STIL: variants seen among roughly 807,000 people sequenced by gnomAD.
The protein encoded by STIL is STIL centriolar assembly protein, also known as SCL-interrupting locus protein.
In STIL, 55 loss-of-function variants were observed where a neutral mutation model predicts 110.1. The ratio of observed to expected loss-of-function variants is 0.50; its 90% CI spans 0.40 to 0.63. The LOEUF is 0.63. Ranked by LOEUF, STIL falls within the 20% of genes least tolerant of loss-of-function variation. The pLI, the probability that STIL is intolerant of heterozygous loss-of-function variation, is 0.00. For missense variants in STIL, 1,358 were observed against 1,530.0 expected (o/e 0.89, Z 1.87); for synonymous variants, 481 against 530.0 (o/e 0.91, Z 1.27).
chr1:47,265,444 C>G (rs1173893118), intron 14 of STIL, among the ~76,000 whole-genome samples: 1 of 151,832 alleles, frequency 6.6e-6, no homozygotes, highest in East Asian at 1.9e-4. Context: ...CCATGGGGAA[C>G]CAGACACTGG....
intron 2 of STIL, 110 bp from the exon 3 acceptor site, chr1:47,305,106 T>C (rs1425229982): frequency 1.3e-6 from 1 of 786,428 alleles, no homozygotes; most frequent in African/African-American, 1.7e-5. Context: ...AGACTACTTT[T>C]GTAATTTTCA....
At chr1:47,299,718 G>A in intron 6 of STIL, 187 bp downstream of exon 6, 1 of 647,370 alleles carries the variant, frequency 1.5e-6, no homozygotes, top group South Asian at 1.9e-5. Flanking sequence ...TGTAGGTGGT[G>A]GCACAACTTA....
At chr1:47,302,170 T>C (rs2149203978) in intron 4 of STIL, 64 bp downstream of exon 4, 3 of 1,223,900 alleles carry the variant, frequency 2.5e-6, no homozygotes, top group African/African-American at 1.5e-5. Context: ...ATCCTCCCAC[T>C]CCAGCCTCCC....
intron 16 of STIL, among the ~76,000 whole-genome samples, chr1:47,256,463 A>T (rs1255989243): frequency 6.6e-6 from 1 of 151,808 alleles, no homozygotes; most frequent in African/African-American, 2.4e-5. Flanking sequence ...TCTACTAAAA[A>T]CACAAAACTT....
intron 3 of STIL, 24 bp from the exon 4 acceptor site, chr1:47,302,370 G>A (rs1455859925): frequency 2.6e-6 from 4 of 1,543,420 alleles, no homozygotes; most frequent in Admixed American, 3.3e-5. Context: ...AGTCTTTTAT[G>A]AATATGGTAG....
chr1:47,278,870 A>C (rs1490308951), intron 12 of STIL, among the ~76,000 whole-genome samples: 1 of 152,192 alleles, frequency 6.6e-6, no homozygotes, highest in African/African-American at 2.4e-5. Flanking sequence ...AGGTTTAAAA[A>C]AACAGCAGAG....
Position 47,304,945 on chromosome 1 carries a change from T to G in STIL, c.96A>C (p.Ala32=), listed in dbSNP as rs1223552542. 1 of 1,614,066 alleles carries G rather than the reference T, an allele frequency of 6.2e-7. No individual in the cohort carries two copies. Among genetic ancestry groups the G allele is most frequent in the Non-Finnish European group, 8.5e-7 (1 of 1,179,988 alleles). Residue 32 remains alanine, a synonymous_variant, in exon 3 of 17, where the codon GCA becomes GCC. Coordinates refer to ENST00000371877, the MANE Select transcript of STIL (RefSeq NM_001048166.1). ...VPFHFPPSKC[A]LWNPTPTGDF... is the part of the protein sequence containing the mutation. ...CTCCAGTTGGCGTTGGGTTCCAAAG[T>G]GCACATTTTGATGGAGGAAAGTGGA...
intron 2 of STIL, among the ~76,000 whole-genome samples, chr1:47,309,401 G>A (rs1646058724): frequency 6.6e-6 from 1 of 152,050 alleles, no homozygotes; most frequent in East Asian, 1.9e-4. Flanking sequence ...CAAAGTGCTA[G>A]GATTACAGGC....
At chr1:47,289,676 A>C in intron 8 of STIL, 91 bp from the exon 9 acceptor site, 2 of 1,280,698 alleles carry the variant, frequency 1.6e-6, no homozygotes, top group Non-Finnish European at 2.2e-6. Flanking sequence ...TCTAGTTAAC[A>C]AAATGACTAA....
chr1:47,307,231 G>T (rs1645986628), intron 2 of STIL, among the ~76,000 whole-genome samples: 1 of 152,168 alleles, frequency 6.6e-6, no homozygotes. Context: ...TGAGGCATGA[G>T]AATTGCTTGA....
At chr1:47,278,832 ATACTT>A (rs1042578217) in intron 12 of STIL, among the ~76,000 whole-genome samples, 7 of 152,152 alleles carry the variant, frequency 4.6e-5, no homozygotes, top group Middle Eastern at 3.4e-3. Flanking sequence ...AAAAAAAACT[ATACTT>A]TACAATTTCA....
At chr1:47,302,118 A>G (rs1645821736) in intron 4 of STIL, 116 bp downstream of exon 4, 1 of 761,154 alleles carries the variant, frequency 1.3e-6, no homozygotes, top group East Asian at 2.6e-5. Flanking sequence ...ATGGAGTCTT[A>G]CTATGTTATG....
chr1:47,269,579 A>T, intron 14 of STIL, 56 bp downstream of exon 14: 1 of 1,398,762 alleles, frequency 7.1e-7, no homozygotes, highest in Non-Finnish European at 1.0e-6. Context: ...TTATTTGTCT[A>T]TCAAAAAAAA....
chr1:47,265,237 C>CAAA (rs61666574), intron 14 of STIL, among the ~76,000 whole-genome samples: 5,783 of 51,398 alleles, frequency 0.11, 688 homozygotes, highest in African/African-American at 0.19. Flanking sequence ...CTCCATCTCC[C>CAAA]AAAAAAAAAA....
chr1:47,261,232 A>G (rs1644474906), intron 15 of STIL, among the ~76,000 whole-genome samples: 1 of 151,558 alleles, frequency 6.6e-6, no homozygotes, highest in South Asian at 2.1e-4. Context: ...TAATAAAAAT[A>G]CAAAAATTAG....
At position 47,280,870 on chromosome 1, in the gene STIL, G is replaced by A. The variant is rs765984208; in HGVS notation, c.1588C>T (p.Pro530Ser). Reference sequence around the variant, plus strand: ...AGCTTTTCAAATATATCATGAGATGGCCCATTATGAGAAGATGGTTTAATA... The same window carrying A: ...AGCTTTTCAAATATATCATGAGATGACCCATTATGAGAAGATGGTTTAATA... ...NSIKPSSHNG[P>S]SHDIFEKLQT... The change falls in exon 12 of 17, where the codon CCA becomes TCA. Residue 530 changes from proline to serine, a missense_variant. Pro to Ser is a moderately conservative substitution (Grantham distance 74). Transcript: ENST00000371877. 35 of 1,614,072 alleles carry A rather than the reference G, an allele frequency of 2.2e-5. No homozygotes were observed. Among genetic ancestry groups the A allele is most frequent in the Admixed American group, 1.8e-4 (11 of 60,000 alleles).
intron 12 of STIL, among the ~76,000 whole-genome samples, chr1:47,277,350 ATAAAGGGCTTT>A (rs1299312485): frequency 2.6e-5 from 4 of 152,258 alleles, no homozygotes; most frequent in African/African-American, 7.2e-5. Flanking sequence ...AAGCCAAGTC[ATAAAGGGCTTT>A]AAGGGCCAAG....
chr1:47,312,645 A>C (rs919739844), intron 1 of STIL, among the ~76,000 whole-genome samples: 1 of 152,196 alleles, frequency 6.6e-6, no homozygotes, highest in Non-Finnish European at 1.5e-5. Flanking sequence ...TTCTTCATTA[A>C]ACAGAAGTGT....
intron 8 of STIL, among the ~76,000 whole-genome samples, chr1:47,290,601 G>T (rs1024754582): frequency 6.6e-6 from 1 of 151,970 alleles, no homozygotes; most frequent in Non-Finnish European, 1.5e-5. Context: ...TACTCGGGAG[G>T]CTGAGGCAGG....
Sources: allele counts gnomAD v4.1 joint callset (sites outside exome capture counted in the v4.1 genomes callset), GRCh38; gene constraint gnomAD v4.1.1; transcripts MANE v1.5; gene names NCBI Gene and HGNC (gene_info 2026-07-23, HGNC 2026-07-21).